The following SPATA33 variants were observed in gnomAD, a reference collection of about 807,000 sequenced individuals.
The protein encoded by SPATA33 is spermatogenesis-associated protein 33.
A neutral mutation model predicts 8.9 loss-of-function variants in SPATA33; 10 were observed. The ratio of observed to expected loss-of-function variants is 1.12; its 90% CI spans 0.69 to 1.90. The LOEUF is 1.90. Among genes scored for constraint, SPATA33 ranks in the 40% most tolerant of loss-of-function variants. The pLI is 0.00. For synonymous variants in SPATA33, 96 were observed against 72.8 expected (o/e 1.32, Z -1.63); for missense variants, 241 against 178.3 (o/e 1.35, Z -2.00).
chr16:89,666,523 T>G (rs1045205368), intron 2 of SPATA33, among the ~76,000 whole-genome samples: 1 of 151,982 alleles, frequency 6.6e-6, no homozygotes, highest in African/African-American at 2.4e-5. Context: ...ATTAGGTGGG[T>G]GTGGTGGTGT....
At chr16:89,668,063 G>C (rs959689081) in intron 2 of SPATA33, 2 of 152,484 alleles carry the variant, frequency 1.3e-5, no homozygotes, top group Non-Finnish European at 2.9e-5. Context: ...TGTAATCCCA[G>C]CACTTTGGGA....
intron 2 of SPATA33, among the ~76,000 whole-genome samples, chr16:89,665,699 G>A (rs987127473): frequency 9.9e-5 from 15 of 152,154 alleles, no homozygotes; most frequent in South Asian, 2.1e-4. Flanking sequence ...GTGTAAATAC[G>A]TTAACTTCTG....
At chr16:89,662,186 T>C (rs996281374) in intron 2 of SPATA33, among the ~76,000 whole-genome samples, 1 of 151,692 alleles carries the variant, frequency 6.6e-6, no homozygotes, top group Non-Finnish European at 1.5e-5. Flanking sequence ...TCCAACTACT[T>C]TGGAGGCTGA....
At chr16:89,664,217 AT>A (rs2059996254) in intron 2 of SPATA33, among the ~76,000 whole-genome samples, 1 of 152,260 alleles carries the variant, frequency 6.6e-6, no homozygotes, top group Non-Finnish European at 1.5e-5. Context: ...TGTAGAACAA[AT>A]GATAAGCTCA....
intron 2 of SPATA33, among the ~76,000 whole-genome samples, chr16:89,664,246 A>G (rs58208647): frequency 0.021 from 3,219 of 152,328 alleles, 48 homozygotes; most frequent in African/African-American, 0.047. Flanking sequence ...ATTTACATCT[A>G]TGAGAGGCCA....
At chr16:89,664,126 T>C (rs553493112) in intron 2 of SPATA33, among the ~76,000 whole-genome samples, 2 of 152,254 alleles carry the variant, frequency 1.3e-5, no homozygotes, top group East Asian at 3.9e-4. Flanking sequence ...TTATGCTTCC[T>C]AGCAAGGAAA....
intron 2 of SPATA33, chr16:89,660,215 C>T (rs1370870626): frequency 7.4e-6 from 2 of 271,446 alleles, no homozygotes; most frequent in East Asian, 1.2e-4. Flanking sequence ...GCAGGCAGGA[C>T]TGCATCTACT....
intron 2 of SPATA33, among the ~76,000 whole-genome samples, chr16:89,665,771 C>A (rs1054770682): frequency 6.6e-6 from 1 of 152,034 alleles, no homozygotes; most frequent in South Asian, 2.1e-4. Context: ...GCAGATTATT[C>A]AAAGGTTCAT....
chr16:89,670,298 G>C lies in SPATA33; in HGVS notation c.*801G>C, dbSNP rs554371572. 39 of 149,406 alleles carry C rather than the reference G, an allele frequency of 2.6e-4. No homozygotes were observed. 9.3% of individuals were successfully genotyped at this position (149,406 alleles called of 1,614,324 possible). On this transcript the variant is annotated 3_prime_UTR_variant, in exon 3 of 3. Transcript: ENST00000579310. Reference sequence around the variant, plus strand: ...CAGTGCTCTCGGGGAGGGTGCACCAGGCCCGCCCCACCCTGTGAGAAGCCG... The same window carrying C: ...CAGTGCTCTCGGGGAGGGTGCACCACGCCCGCCCCACCCTGTGAGAAGCCG...
chr16:89,666,551 A>G (rs1416236365), intron 2 of SPATA33, among the ~76,000 whole-genome samples: 1 of 152,154 alleles, frequency 6.6e-6, no homozygotes, highest in Non-Finnish European at 1.5e-5. Context: ...CCAGCCCCAC[A>G]GGGTCGGTGG....
intron 2 of SPATA33, among the ~76,000 whole-genome samples, chr16:89,664,599 G>A (rs1041326292): frequency 6.7e-6 from 1 of 149,982 alleles, no homozygotes; most frequent in Non-Finnish European, 1.5e-5. Context: ...CAGTAAAAGT[G>A]TCAGAGGCTC....
At chr16:89,665,067 C>G (rs2060008083) in intron 2 of SPATA33, among the ~76,000 whole-genome samples, 1 of 150,618 alleles carries the variant, frequency 6.6e-6, no homozygotes, top group African/African-American at 2.4e-5. Flanking sequence ...ACCATCTTGG[C>G]TCATTGCACT....
At chr16:89,658,780 G>T (rs2059923205) in intron 2 of SPATA33, 1 of 296,466 alleles carries the variant, frequency 3.4e-6, no homozygotes, top group Non-Finnish European at 6.6e-6. Context: ...TTGGGAGGCC[G>T]TCCCAGGCTG....
intron 2 of SPATA33, among the ~76,000 whole-genome samples, chr16:89,664,023 A>G (rs918609082): frequency 2.0e-5 from 3 of 152,118 alleles, no homozygotes; most frequent in Non-Finnish European, 4.4e-5. Context: ...GGGGCCTGAG[A>G]TAGGAGGATC....
In SPATA33 at chr16:89,657,844, C is replaced by T. The variant is rs2059900185; in HGVS notation, c.-68C>T. 2 of 1,510,712 alleles carry T rather than the reference C, an allele frequency of 1.3e-6. No individual in the cohort carries two copies. The highest frequency in any genetic ancestry group is 2.9e-5 in the African/African-American group (2 of 68,890). The allele number at this position is 1,510,712 out of a possible 1,614,324, so 93.6% of individuals were successfully genotyped here. On this transcript the variant is annotated 5_prime_UTR_variant, in exon 1 of 3. Coordinates refer to ENST00000579310, the MANE Select transcript of SPATA33 (RefSeq NM_001271907.2). ...TGGCGCGAGGACCTTTTGTGAGTCG[C>T]TCCCGGCTCCGCGGCCGCGGAGGTG...
At chr16:89,665,925 C>T (rs1355256041) in intron 2 of SPATA33, among the ~76,000 whole-genome samples, 1 of 151,802 alleles carries the variant, frequency 6.6e-6, no homozygotes, top group African/African-American at 2.4e-5. Context: ...ACTAAAAATA[C>T]AAAAATTAGC....
intron 2 of SPATA33, among the ~76,000 whole-genome samples, chr16:89,666,995 G>A (rs888893113): frequency 1.3e-5 from 2 of 152,230 alleles, no homozygotes; most frequent in Admixed American, 6.5e-5. Flanking sequence ...ACAGGGAGAC[G>A]ATTAGGCCTC....
intron 2 of SPATA33, among the ~76,000 whole-genome samples, chr16:89,666,910 T>G (rs1046174385): frequency 1.3e-5 from 2 of 152,208 alleles, no homozygotes; most frequent in Non-Finnish European, 2.9e-5. Flanking sequence ...GCTACTGCTA[T>G]CTAAAAGGCA....
chr16:89,665,503 A>G (rs1487999940), intron 2 of SPATA33, among the ~76,000 whole-genome samples: 5 of 140,568 alleles, frequency 3.6e-5, no homozygotes, highest in Admixed American at 2.9e-4. Flanking sequence ...TTAAGTAGAG[A>G]TGGGGTTTCA....
Sources: allele counts gnomAD v4.1 joint callset (sites outside exome capture counted in the v4.1 genomes callset), GRCh38; gene constraint gnomAD v4.1.1; transcripts MANE v1.5; gene names NCBI Gene and HGNC (gene_info 2026-07-23, HGNC 2026-07-21).